The following IGSF21 variants were observed in gnomAD, a reference collection of about 807,000 sequenced individuals.
IGSF21 encodes the protein immunoglobulin superfamily member 21.
Under a neutral mutation model 46.8 loss-of-function variants are expected in IGSF21, and 28 were observed. The ratio of observed to expected loss-of-function variants is 0.60; its 90% confidence interval spans 0.44 to 0.82. IGSF21 has a LOEUF of 0.82. IGSF21 is among the 40% of genes least tolerant of loss of function. The pLI is 0.00. For missense variants in IGSF21, 624 were observed against 665.5 expected, an observed-to-expected ratio of 0.94 and a Z score of 0.69; for synonymous variants, 284 against 273.6, an observed-to-expected ratio of 1.04 and a Z score of -0.38.
intron 1 of IGSF21, among the ~76,000 whole-genome samples, chr1:18,204,583 G>A (rs1269094468): frequency 6.6e-6 from 1 of 152,180 alleles, no homozygotes; most frequent in Non-Finnish European, 1.5e-5. Flanking sequence ...AGGTGGAGGG[G>A]AGATGAAGGG....
intron 1 of IGSF21, among the ~76,000 whole-genome samples, chr1:18,166,401 G>A (rs1466895594): frequency 6.6e-6 from 1 of 152,058 alleles, no homozygotes; most frequent in Non-Finnish European, 1.5e-5. Context: ...GAGTCACTTT[G>A]ACCTCCCTGG....
At position 18,365,328 on chromosome 1, in the gene IGSF21, C is replaced by A; in HGVS notation, c.646C>A (p.Leu216Met). ...LQDSRPFRSLLHRDLDDTKMQ... is the reference protein window; with the variant it reads ...LQDSRPFRSLMHRDLDDTKMQ... The stretch of plus-strand genomic sequence containing the variant: ...GGACAGCAGGCCCTTCCGCAGCCTT[C>A]TGCACCGTGACCTGGATGACACCAA... The change falls in exon 6 of 10, where the codon CTG (leucine) becomes ATG (methionine). Residue 216 changes from leucine (L) to methionine (M), a missense_variant. Coordinates refer to ENST00000251296, the MANE Select transcript of IGSF21 (RefSeq NM_032880.5). This position sits in a 1 kb window ranked among gnomAD's most constrained non-coding sequence, Gnocchi z 4.8. 2.5e-6 allele frequency: 4 copies of A among 1,614,168 alleles called. No individual in the cohort carries two copies. Among genetic ancestry groups the A allele is most frequent in the Non-Finnish European group, 3.4e-6 (4 of 1,180,036 alleles).
chr1:18,148,928 TATACTC>T (rs1327384624), intron 1 of IGSF21, among the ~76,000 whole-genome samples: 2 of 152,220 alleles, frequency 1.3e-5, no homozygotes, highest in African/African-American at 4.8e-5. Flanking sequence ...GTTAGTGTCT[TATACTC>T]ATTAAAAAAG....
intron 2 of IGSF21, among the ~76,000 whole-genome samples, chr1:18,246,755 CCAA>C (rs1295751328): frequency 1.3e-5 from 2 of 152,224 alleles, no homozygotes; most frequent in Non-Finnish European, 2.9e-5. Flanking sequence ...CCTGTCCACA[CCAA>C]CAACAGGCTT....
At chr1:18,303,696 C>T (rs186908068) in intron 3 of IGSF21, among the ~76,000 whole-genome samples, 4 of 152,298 alleles carry the variant, frequency 2.6e-5, no homozygotes, top group East Asian at 3.9e-4. Flanking sequence ...CTGTAGACAT[C>T]GGGAGACAGA....
chr1:18,329,741 C>G (rs2085693792), intron 3 of IGSF21, among the ~76,000 whole-genome samples: 1 of 152,184 alleles, frequency 6.6e-6, no homozygotes, highest in Non-Finnish European at 1.5e-5. Flanking sequence ...ACCAAAACCT[C>G]TAGCATCCGT....
At position 18,363,453 on chromosome 1, in the gene IGSF21, G is replaced by A. The variant is rs151331279; in HGVS notation, c.540+1223G>A. ...AGTAAGCAGGTGCACAGAGACACAG[G>A]TGGGGCAGCTGGCAGGGTCACAGGG... On this transcript the variant is annotated intron_variant, in intron 5 of 9. Coordinates refer to ENST00000251296, the MANE Select transcript of IGSF21 (RefSeq NM_032880.5). 2.0e-5 allele frequency among the ~76,000 whole-genome samples: 3 copies of A among 150,662 alleles called. No individual in the cohort carries two copies. The East Asian group carries it at 5.9e-4, about 29-fold the overall frequency.
chr1:18,326,033 C>T (rs1048691549), intron 3 of IGSF21, among the ~76,000 whole-genome samples: 3 of 149,470 alleles, frequency 2.0e-5, no homozygotes, highest in South Asian at 2.1e-4. Flanking sequence ...ACCTCTTCCC[C>T]GCCCATGCCC....
chr1:18,124,986 G>A (rs993076265), intron 1 of IGSF21, among the ~76,000 whole-genome samples: 4 of 152,094 alleles, frequency 2.6e-5, no homozygotes, highest in East Asian at 1.9e-4. Context: ...AAGATGTGCC[G>A]CCAGCATCCC....
chr1:18,377,262 C>A (rs759956685), intron 8 of IGSF21, 131 bp from the exon 9 acceptor site: 44 of 917,678 alleles, frequency 4.8e-5, no homozygotes, highest in Non-Finnish European at 6.9e-5. Flanking sequence ...TCCAGCTCCC[C>A]TGAAGGTTGT....
intron 4 of IGSF21, among the ~76,000 whole-genome samples, chr1:18,357,687 T>A (rs912297101): frequency 6.6e-6 from 1 of 152,058 alleles, no homozygotes; most frequent in Non-Finnish European, 1.5e-5. Flanking sequence ...ATGCTAATAG[T>A]GACTAGAAGA....
intron 2 of IGSF21, among the ~76,000 whole-genome samples, chr1:18,235,623 G>T (rs11584495): frequency 0.53 from 80,673 of 152,036 alleles, 22,581 homozygotes; most frequent in Non-Finnish European, 0.62. Context: ...AAGTGCATGT[G>T]GCTGGAACAA....
intron 6 of IGSF21, among the ~76,000 whole-genome samples, chr1:18,366,126 C>T (rs540854142): frequency 6.6e-6 from 1 of 152,078 alleles, no homozygotes; most frequent in East Asian, 1.9e-4. Context: ...AAGGGAGTCA[C>T]TGGGCTGGGT....
intron 2 of IGSF21, among the ~76,000 whole-genome samples, chr1:18,274,752 A>G (rs1056637746): frequency 5.3e-5 from 8 of 152,238 alleles, no homozygotes; most frequent in African/African-American, 1.9e-4. Context: ...ATGACTGGGC[A>G]TGGTGGCTCG....
chr1:18,248,565 T>G (rs1462002872), intron 2 of IGSF21, among the ~76,000 whole-genome samples: 1 of 152,128 alleles, frequency 6.6e-6, no homozygotes, highest in African/African-American at 2.4e-5. Context: ...CCTTGAGAGA[T>G]TCATTCAATG....
At chr1:18,210,727 G>T (rs1170358027) in intron 1 of IGSF21, among the ~76,000 whole-genome samples, 2 of 152,114 alleles carry the variant, frequency 1.3e-5, no homozygotes, top group South Asian at 4.1e-4. Flanking sequence ...ACCGGTTCCT[G>T]CACACCAGAT....
At chr1:18,332,687 G>C (rs902176575) in intron 3 of IGSF21, among the ~76,000 whole-genome samples, 4 of 152,196 alleles carry the variant, frequency 2.6e-5, no homozygotes, top group African/African-American at 9.7e-5. Context: ...AGTGGAGGGG[G>C]ACGGCGTCTT....
At chr1:18,261,481 C>T (rs962717044) in intron 2 of IGSF21, among the ~76,000 whole-genome samples, 8 of 152,232 alleles carry the variant, frequency 5.3e-5, no homozygotes, top group African/African-American at 1.2e-4. Context: ...TGCCCCCTTC[C>T]GTGGCAATGA....
In IGSF21 at chr1:18,362,185, C is replaced by T. The variant is rs746416083; in HGVS notation, c.495C>T (p.Asn165=). 11 of 1,613,382 alleles carry T rather than the reference C, an allele frequency of 6.8e-6. No individual in the cohort carries two copies. The highest frequency in any genetic ancestry group is 1.6e-4 in the Middle Eastern group (1 of 6,062). ...PAPFSRYQAQ[N]FTLVCIVSGG... ...CCTTCAGCCGCTACCAAGCCCAGAA[C>T]TTCACGCTGGTCTGCATCGTGTCTG... is the stretch of plus-strand genomic sequence containing the variant. The change falls in exon 5 of 10, where the codon AAC becomes AAT. Residue 165 remains asparagine, a synonymous_variant. Transcript: ENST00000251296.
Sources: gnomAD v4.1 joint callset for allele counts (sites outside exome capture counted in the v4.1 genomes callset) on GRCh38, gnomAD v4.1.1 for gene constraint, Gnocchi (gnomAD v3.1) non-coding constraint, MANE v1.5 for transcripts, NCBI Gene and HGNC (gene_info 2026-07-23, HGNC 2026-07-21) for gene names.